Variants in GOLT1A observed in about 807,000 individuals in gnomAD.
GOLT1A encodes the protein golgi transport 1A, also known as vesicle transport protein GOT1A.
GOLT1A carries 10 observed loss-of-function variants against 16.1 expected under a neutral mutation model. That is an observed-to-expected ratio of 0.62 (90% CI 0.38 to 1.05). GOLT1A has a LOEUF of 1.05. Ranked by LOEUF, GOLT1A falls within the 50% of genes least tolerant of loss-of-function variation. The pLI is 0.01. For missense variants in GOLT1A, 137 were observed against 165.7 expected (o/e 0.83, Z 0.95); for synonymous variants, 60 against 67.9 (o/e 0.88, Z 0.57).
At chr1:204,210,923 C>T (rs547456411) in intron 1 of GOLT1A, among the ~76,000 whole-genome samples, 1 of 152,232 alleles carries the variant, frequency 6.6e-6, no homozygotes, top group South Asian at 2.1e-4. Flanking sequence ...CAACTTGTGC[C>T]TCCCTTGGTT....
chr1:204,199,752 GC>G (rs1229224420), intron 3 of GOLT1A, among the ~76,000 whole-genome samples: 6 of 152,168 alleles, frequency 3.9e-5, no homozygotes, highest in Non-Finnish European at 5.9e-5. Context: ...ACTCCCTGGT[GC>G]CCTGGCTCCC....
chr1:204,213,756 A>G, intron 1 of GOLT1A, 126 bp downstream of exon 1: 1 of 1,102,546 alleles, frequency 9.1e-7, no homozygotes, highest in South Asian at 1.5e-5. Flanking sequence ...GTGCCAGCAC[A>G]GCATCTCCCA....
At position 204,199,236 on chromosome 1, in the gene GOLT1A, C is replaced by T. The variant is rs776995034; in HGVS notation, c.319G>A (p.Gly107Ser). 1.0e-5 allele frequency: 16 copies of T among 1,603,888 alleles called. No individual in the cohort carries two copies. The highest frequency in any genetic ancestry group is 2.2e-5 in the East Asian group (1 of 44,588). The change falls in exon 4 of 5, where the codon GGC (glycine) becomes AGC (serine). Residue 107 changes from glycine to serine, a missense_variant. Transcript: ENST00000308302. ...LFKGFFPVAF[G>S]FLGNVCNIPF... is the part of the protein sequence containing the mutation. ...ATGTTGCAGACATTGCCCAGGAAGC[C>T]GAAGGCGACAGGGAAAAAGCCCCTA...
rs146769362 is a variant in GOLT1A, at chr1:204,202,551, T to C, written c.117+345A>G. ...CCCCTGCCTTCCTCCCAGCCATGTA[T>C]GTCATGTTATATCTCTAGCCCTAGA... is the stretch of plus-strand genomic sequence containing the variant. On this transcript the variant is annotated intron_variant, in intron 2 of 4. Coordinates refer to ENST00000308302, the MANE Select transcript of GOLT1A (RefSeq NM_198447.2). 2.0e-5 allele frequency among the ~76,000 whole-genome samples: 3 copies of C among 152,146 alleles called. No homozygotes were observed. In the East Asian group the frequency reaches 5.8e-4, roughly 30 times the overall value.
Position 204,200,299 on chromosome 1 carries a change from G to GTGTGTATATATATATATA in GOLT1A, c.297-1042_297-1041insTATATATATATATACACA. Among the ~76,000 whole-genome samples the GTGTGTATATATATATATA allele has an allele frequency of 7.4e-4, 61 of 82,680 alleles. 2 individuals are homozygous for GTGTGTATATATATATATA. The highest frequency in any genetic ancestry group is 5.4e-3 in the South Asian group (15 of 2,790). 54.2% of individuals were successfully genotyped at this position (82,680 alleles called of 152,430 possible). A position where few individuals can be genotyped will look rare whatever the true frequency, so the allele number is the denominator to read the frequency against. ...GACTGTTTGAAAATGACATATATGT[G>GTGTGTATATATATATATA]TATATATATATATATATATATGTTT... On this transcript the variant is annotated intron_variant, in intron 3 of 4. Transcript: ENST00000308302.
intron 1 of GOLT1A, among the ~76,000 whole-genome samples, chr1:204,211,051 A>G (rs922590692): frequency 6.7e-6 from 1 of 149,820 alleles, no homozygotes; most frequent in African/African-American, 2.5e-5. Flanking sequence ...ATACATGTTG[A>G]AAGCTGTCCA....
chr1:204,204,520 AC>A (rs2102337087), intron 1 of GOLT1A, among the ~76,000 whole-genome samples: 1 of 152,258 alleles, frequency 6.6e-6, no homozygotes. Context: ...TGCTATCTGT[AC>A]CCTGCATTTT....
chr1:204,201,117 C>T (rs912066526), intron 3 of GOLT1A, among the ~76,000 whole-genome samples: 6 of 152,218 alleles, frequency 3.9e-5, no homozygotes, highest in African/African-American at 1.4e-4. Flanking sequence ...AGGGCTGACA[C>T]AGGCCTGGCC....
chr1:204,202,954 A>G lies in GOLT1A; in HGVS notation c.59T>C (p.Phe20Ser), dbSNP rs1459099387. The G allele has an allele frequency of 1.2e-6, 2 of 1,613,982 alleles. No individual in the cohort carries two copies. Among genetic ancestry groups the G allele is most frequent in the African/African-American group, 1.3e-5 (1 of 74,918 alleles). The change falls in exon 2 of 5, where the codon TTC becomes TCC. Residue 20 changes from phenylalanine to serine, a missense_variant. Phe to Ser is a radical substitution (Grantham distance 155). Transcript: ENST00000308302. ...CAGGAGTGTTCCAAAGAGGATGAAG[A>G]AGATGCCGAAACCGGTGATCCCCAC... ...IGVGITGFGI[F>S]FILFGTLLYF...
intron 1 of GOLT1A, among the ~76,000 whole-genome samples, chr1:204,209,999 A>G (rs2102340332): frequency 6.6e-6 from 1 of 152,326 alleles, no homozygotes; most frequent in Middle Eastern, 3.4e-3. Context: ...CAGAGGTTGC[A>G]GTGAGCCAAG....
intron 1 of GOLT1A, among the ~76,000 whole-genome samples, chr1:204,208,379 CATATACACACAT>C (rs1659078990): frequency 2.4e-5 from 2 of 82,858 alleles, no homozygotes; most frequent in Non-Finnish European, 6.6e-5. Context: ...TATCTATACA[CATATACACACAT>C]ATGTATACAT....
Position 204,198,611 on chromosome 1 carries a change from G to A in GOLT1A, c.361-115C>T, listed in dbSNP as rs1248922020. On this transcript the variant is annotated intron_variant, in intron 4 of 4. Transcript: ENST00000308302. ...GCTGTGCCAGGCGCAGATACGAGAG[G>A]GGCTGTAGGGGCTGTGTCCAGCTGG... 4 of 884,770 alleles carry A rather than the reference G, an allele frequency of 4.5e-6. No homozygotes were observed. The Admixed American group carries it at 6.6e-5, about 15-fold the overall frequency. The allele number at this position is 884,770 out of a possible 1,614,324, so 54.8% of individuals were successfully genotyped here. A position where few individuals can be genotyped will look rare whatever the true frequency, so the allele number is the denominator to read the frequency against.
At chr1:204,209,819 C>A (rs939346111) in intron 1 of GOLT1A, among the ~76,000 whole-genome samples, 1 of 152,152 alleles carries the variant, frequency 6.6e-6, no homozygotes, top group African/African-American at 2.4e-5. Flanking sequence ...CTTTGGGACG[C>A]CGAGGTGGGT....
chr1:204,209,152 G>A (rs1180714889), intron 1 of GOLT1A, among the ~76,000 whole-genome samples: 1 of 152,206 alleles, frequency 6.6e-6, no homozygotes. Flanking sequence ...GGGTTTGTCG[G>A]ATGTTTCCTC....
At chr1:204,206,472 A>G (rs997006336) in intron 1 of GOLT1A, among the ~76,000 whole-genome samples, 9 of 152,274 alleles carry the variant, frequency 5.9e-5, no homozygotes, top group African/African-American at 1.9e-4. Flanking sequence ...CTAGAGTTAC[A>G]TCTACCTGAA....
At chr1:204,211,497 T>C (rs888145316) in intron 1 of GOLT1A, among the ~76,000 whole-genome samples, 2 of 152,244 alleles carry the variant, frequency 1.3e-5, no homozygotes, top group Middle Eastern at 3.2e-3. Context: ...ATCCTCATCA[T>C]TCAGGTCTCA....
In GOLT1A at chr1:204,201,824, GA is replaced by G; in HGVS notation, c.118-14del. 6.2e-7 allele frequency: 1 copy of G among 1,612,736 alleles called. No homozygotes were observed. The highest frequency in any genetic ancestry group is 8.5e-7 in the Non-Finnish European group (1 of 1,179,224). On this transcript the variant is annotated splice_polypyrimidine_tract_variant and intron_variant, in intron 2 of 4. Transcript: ENST00000308302. ...TCAGGAACAGCAGCTGTAGGGGAGG[GA>G]GGGGAGCATGAAGCAAACCCACCAG...
At chr1:204,210,194 C>T (rs1391172389) in intron 1 of GOLT1A, among the ~76,000 whole-genome samples, 5 of 152,212 alleles carry the variant, frequency 3.3e-5, no homozygotes, top group African/African-American at 1.2e-4. Context: ...CAGGTGTGAA[C>T]CATCATCTGT....
chr1:204,201,965 G>A (rs1193497363), intron 2 of GOLT1A, among the ~76,000 whole-genome samples, 154 bp from the exon 3 acceptor site: 1 of 152,158 alleles, frequency 6.6e-6, no homozygotes, highest in Non-Finnish European at 1.5e-5. Context: ...CAGAATCCCA[G>A]AGCCTTGATA....
Sources: allele counts gnomAD v4.1 joint callset (sites outside exome capture counted in the v4.1 genomes callset), GRCh38; gene constraint gnomAD v4.1.1; transcripts MANE v1.5; gene names NCBI Gene and HGNC (gene_info 2026-07-23, HGNC 2026-07-21).